BEND5: variants seen among roughly 807,000 people sequenced by gnomAD.
BEND5 encodes BEN domain-containing protein 5.
Under a neutral mutation model 43.9 loss-of-function variants are expected in BEND5, and 22 were observed. That is an observed-to-expected ratio of 0.50 (90% CI 0.36 to 0.72). The LOEUF (loss-of-function observed/expected upper bound fraction) is 0.72. Ranked by LOEUF, BEND5 falls within the 30% of genes least tolerant of loss-of-function variation. The probability of loss-of-function intolerance (pLI) is 0.00; values close to 1 mark genes in which losing one functional copy is unlikely to be tolerated. For missense variants in BEND5, 428 were observed against 550.6 expected, an observed-to-expected ratio of 0.78 and a Z score of 2.23; for synonymous variants, 228 against 225.9, an observed-to-expected ratio of 1.01 and a Z score of -0.08.
chr1:48,776,031 C>A (rs1182898268), intron 1 of BEND5, among the ~76,000 whole-genome samples: 1 of 152,184 alleles, frequency 6.6e-6, no homozygotes, highest in Admixed American at 6.5e-5. Flanking sequence ...AGGTTCATGG[C>A]CTCCTCATCC....
At chr1:48,772,451 T>C (rs1170741735) in intron 1 of BEND5, among the ~76,000 whole-genome samples, 1 of 152,118 alleles carries the variant, frequency 6.6e-6, no homozygotes, top group East Asian at 1.9e-4. Context: ...CAGACAATGA[T>C]TAATCCACCT....
chr1:48,736,201 CAG>C lies in BEND5; in HGVS notation c.1108+36_1108+37del. 1 of 1,576,620 alleles carries C rather than the reference CAG, an allele frequency of 6.3e-7. No individual in the cohort carries two copies. The highest frequency in any genetic ancestry group is 8.7e-7 in the Non-Finnish European group (1 of 1,146,210). ...AACACATTCTTGACAGAGTAAAAGA[CAG>C]AATCCCAGCCATTGTGTTTCCACTC... On this transcript the variant is annotated intron_variant, in intron 5 of 5. Coordinates refer to ENST00000371833, the MANE Select transcript of BEND5 (RefSeq NM_024603.4). This position sits in a 1 kb window ranked among gnomAD's most constrained non-coding sequence, Gnocchi z 4.0.
In BEND5 at chr1:48,732,974, C is replaced by T. The variant is rs532261539; in HGVS notation, c.1108+3265G>A. Among the ~76,000 whole-genome samples the T allele has an allele frequency of 5.4e-4, 83 of 152,296 alleles. No individual in the cohort carries two copies. The Middle Eastern group carries it at 0.01, about 19-fold the overall frequency. On this transcript the variant is annotated intron_variant, in intron 5 of 5. Coordinates refer to ENST00000371833, the MANE Select transcript of BEND5 (RefSeq NM_024603.4). ...ATCGTGTCAAACAGTGCCAGTGAGA[C>T]TGTGAGAAACACACAAGGATTTAGA... is the stretch of plus-strand genomic sequence containing the variant.
At chr1:48,742,953 G>C (rs1167540977) in intron 3 of BEND5, among the ~76,000 whole-genome samples, 182 bp from the exon 4 acceptor site, 2 of 152,164 alleles carry the variant, frequency 1.3e-5, no homozygotes, top group Non-Finnish European at 2.9e-5. Flanking sequence ...CAAGGGAAAA[G>C]GTGGAAAACT....
intron 3 of BEND5, among the ~76,000 whole-genome samples, chr1:48,745,267 T>C (rs748804090): frequency 5.9e-4 from 90 of 152,154 alleles, no homozygotes; most frequent in Non-Finnish European, 1.1e-3. Context: ...GGTAGAGGCA[T>C]GGACAGGTGG....
At chr1:48,737,280 T>C (rs1475697357) in intron 4 of BEND5, among the ~76,000 whole-genome samples, 1 of 151,742 alleles carries the variant, frequency 6.6e-6, no homozygotes, top group Non-Finnish European at 1.5e-5. Flanking sequence ...CGAGACTCCG[T>C]CTCAAAAAGA....
intron 3 of BEND5, among the ~76,000 whole-genome samples, chr1:48,745,122 C>G (rs1017077561): frequency 6.6e-6 from 1 of 152,128 alleles, no homozygotes; most frequent in African/African-American, 2.4e-5. Flanking sequence ...CATCTTGGAG[C>G]GTAGGGAAGC....
At chr1:48,749,555 C>A (rs1013844993) in intron 3 of BEND5, among the ~76,000 whole-genome samples, 4 of 152,192 alleles carry the variant, frequency 2.6e-5, no homozygotes, top group Non-Finnish European at 4.4e-5. Flanking sequence ...CCCTACCCCT[C>A]CTCAATGAAC....
At chr1:48,764,625 T>G (rs539615333) in intron 1 of BEND5, among the ~76,000 whole-genome samples, 1 of 152,308 alleles carries the variant, frequency 6.6e-6, no homozygotes, top group African/African-American at 2.4e-5. Context: ...GAGCTGAGGC[T>G]CAGTGTGCAG....
chr1:48,729,549 T>C (rs1219135697), intron 5 of BEND5, among the ~76,000 whole-genome samples: 1 of 151,988 alleles, frequency 6.6e-6, no homozygotes, highest in Non-Finnish European at 1.5e-5. Context: ...ATATCAACAC[T>C]AGAGGGGATT....
At chr1:48,764,931 T>TA (rs1364117383) in intron 1 of BEND5, among the ~76,000 whole-genome samples, 1 of 152,156 alleles carries the variant, frequency 6.6e-6, no homozygotes, top group Admixed American at 6.5e-5. Context: ...GAGACCTGCT[T>TA]AGCTGCCTAA....
At position 48,746,962 on chromosome 1, in the gene BEND5, A is replaced by T. The variant is rs1650867206; in HGVS notation, c.746-4191T>A. ...TGTGTTTTCTTCAGGGAGAGCAGGG[A>T]GGGCCCCTAGTGCTTTTAATTTAAG... On this transcript the variant is annotated intron_variant, in intron 3 of 5. Coordinates refer to ENST00000371833, the MANE Select transcript of BEND5 (RefSeq NM_024603.4). Among the ~76,000 whole-genome samples, 2 of 152,180 alleles carry T rather than the reference A, an allele frequency of 1.3e-5. 1 individual carries two copies. The highest frequency in any genetic ancestry group is 4.8e-5 in the African/African-American group (2 of 41,464).
chr1:48,757,239 A>T (rs1643982345), intron 3 of BEND5, among the ~76,000 whole-genome samples: 1 of 152,208 alleles, frequency 6.6e-6, no homozygotes. Context: ...AATGCAAATT[A>T]TTCACTTTAA....
chr1:48,774,169 A>G (rs917994723), intron 1 of BEND5, among the ~76,000 whole-genome samples: 3 of 152,238 alleles, frequency 2.0e-5, no homozygotes, highest in Non-Finnish European at 4.4e-5. Flanking sequence ...ATCAATTAAT[A>G]GCTAATCCAC....
chr1:48,768,877 T>C (rs1408831589), intron 1 of BEND5, among the ~76,000 whole-genome samples: 1 of 152,200 alleles, frequency 6.6e-6, no homozygotes, highest in Non-Finnish European at 1.5e-5. Context: ...ACACAGTGCA[T>C]TCTCTGGCCG....
At chr1:48,775,902 T>C (rs547047012) in intron 1 of BEND5, among the ~76,000 whole-genome samples, 1 of 152,246 alleles carries the variant, frequency 6.6e-6, no homozygotes, top group African/African-American at 2.4e-5. Context: ...TCAGGGAGCC[T>C]TCTGGGAGAT....
At chr1:48,757,002 T>C (rs928567009) in intron 3 of BEND5, among the ~76,000 whole-genome samples, 7 of 152,238 alleles carry the variant, frequency 4.6e-5, no homozygotes, top group Non-Finnish European at 8.8e-5. Context: ...CAAGTTTTTC[T>C]ACATGTTTTA....
At chr1:48,759,979 C>T (rs1476322839) in intron 2 of BEND5, among the ~76,000 whole-genome samples, 1 of 152,140 alleles carries the variant, frequency 6.6e-6, no homozygotes, top group African/African-American at 2.4e-5. Flanking sequence ...TTCAGTTTAA[C>T]TGCCTCATGT....
intron 1 of BEND5, among the ~76,000 whole-genome samples, chr1:48,761,675 A>G (rs965416974): frequency 6.6e-6 from 1 of 152,204 alleles, no homozygotes; most frequent in Admixed American, 6.5e-5. Flanking sequence ...GTTTGCTAAA[A>G]GCACTGTCAT....
Sources: allele counts gnomAD v4.1 joint callset (sites outside exome capture counted in the v4.1 genomes callset), GRCh38; gene constraint gnomAD v4.1.1; non-coding constraint Gnocchi (gnomAD v3.1); transcripts MANE v1.5; gene names NCBI Gene and HGNC (gene_info 2026-07-23, HGNC 2026-07-21).